The following ZNF346 variants were observed in gnomAD, a reference collection of about 807,000 sequenced individuals.
ZNF346 encodes double-stranded RNA-binding zinc finger protein JAZ.
In ZNF346, 23 loss-of-function variants were observed where a neutral mutation model predicts 33.7. That is an observed-to-expected ratio of 0.68 (90% confidence interval 0.49 to 0.97). The LOEUF is 0.97. Ranked by LOEUF, ZNF346 falls within the 50% of genes least tolerant of loss-of-function variation. ZNF346 has a pLI of 0.00. For synonymous variants in ZNF346, 134 were observed against 142.4 expected (o/e 0.94, Z 0.42); for missense variants, 340 against 371.1 (o/e 0.92, Z 0.69).
In ZNF346 at chr5:177,044,796, T is replaced by C. The variant is rs369293070; in HGVS notation, c.517+263T>C. The stretch of plus-strand genomic sequence containing the variant: ...CTGACTAATAATTATAACTCAGGAG[T>C]GCCAAAGTCCTCCAGGCCACGCATA... On this transcript the variant is annotated intron_variant, in intron 4 of 6. Transcript: ENST00000358149. Among the ~76,000 whole-genome samples the C allele has an allele frequency of 2.8e-4, 42 of 152,278 alleles. No homozygotes were observed. The South Asian group carries it at 8.1e-3, about 29-fold the overall frequency.
intron 8 of ZNF346, among the ~76,000 whole-genome samples, chr5:177,073,292 C>G (rs1389830715): frequency 3.9e-5 from 6 of 152,096 alleles, no homozygotes; most frequent in Admixed American, 3.9e-4. Flanking sequence ...TGGGATTTCA[C>G]AGGAAAGACA....
intron 1 of ZNF346, among the ~76,000 whole-genome samples, chr5:177,037,086 TGGTTTTGTC>T (rs1447564732): frequency 6.6e-6 from 1 of 152,200 alleles, no homozygotes; most frequent in Non-Finnish European, 1.5e-5. Flanking sequence ...CTGAAGTGGT[TGGTTTTGTC>T]AGTTTTGTCC....
chr5:177,026,234 A>T (rs1776745844), intron 1 of ZNF346, among the ~76,000 whole-genome samples: 1 of 151,526 alleles, frequency 6.6e-6, no homozygotes, highest in Non-Finnish European at 1.5e-5. Flanking sequence ...CAAACTCCTG[A>T]CCTCAAGTGA....
At chr5:177,058,452 C>T (rs1473477291) in intron 5 of ZNF346, among the ~76,000 whole-genome samples, 1 of 151,880 alleles carries the variant, frequency 6.6e-6, no homozygotes, top group Non-Finnish European at 1.5e-5. Context: ...GCCTGGGCAA[C>T]AAAAGCGAAA....
chr5:177,028,013 C>G (rs1021358824), intron 1 of ZNF346, among the ~76,000 whole-genome samples: 2 of 133,916 alleles, frequency 1.5e-5, no homozygotes, highest in East Asian at 2.2e-4. Flanking sequence ...TAAGTGTACA[C>G]AGAATATTTT....
chr5:177,039,851 C>G (rs1358810510), intron 1 of ZNF346, among the ~76,000 whole-genome samples: 1 of 152,110 alleles, frequency 6.6e-6, no homozygotes, highest in African/African-American at 2.4e-5. Flanking sequence ...TAGACTCTGC[C>G]TCTGCCTCTG....
chr5:177,044,598 G>A (rs1779793190), intron 4 of ZNF346, 65 bp downstream of exon 4: 2 of 1,549,690 alleles, frequency 1.3e-6, no homozygotes, highest in Admixed American at 1.8e-5. Flanking sequence ...TACTGCCAGG[G>A]GCTCACAGAG....
At position 177,022,756 on chromosome 5, in the gene ZNF346, G is replaced by A; in HGVS notation, c.18G>A (p.Pro6=). 6.4e-7 allele frequency: 1 copy of A among 1,555,930 alleles called. No individual in the cohort carries two copies. The highest frequency in any genetic ancestry group is 1.2e-5 in the South Asian group (1 of 84,800). Residue 6 remains proline, a synonymous_variant, in exon 1 of 7, where the codon CCG becomes CCA. Coordinates refer to ENST00000358149, the MANE Select transcript of ZNF346 (RefSeq NM_012279.4). The part of the protein sequence containing the change: MEYPA[P]ATVQAADGGA... Reference sequence around the variant, plus strand: ...CGGGGAAGATGGAGTATCCCGCGCCGGCCACGGTGCAGGCCGCGGACGGCG... The same window carrying A: ...CGGGGAAGATGGAGTATCCCGCGCCAGCCACGGTGCAGGCCGCGGACGGCG...
chr5:177,042,991 A>G (rs1779552040), intron 3 of ZNF346, among the ~76,000 whole-genome samples: 1 of 152,174 alleles, frequency 6.6e-6, no homozygotes, highest in Admixed American at 6.5e-5. Context: ...AGCTGGGACT[A>G]CAGGCACGCG....
At chr5:177,056,729 C>T (rs1206488199) in intron 5 of ZNF346, among the ~76,000 whole-genome samples, 1 of 144,430 alleles carries the variant, frequency 6.9e-6, no homozygotes, top group Non-Finnish European at 1.5e-5. Flanking sequence ...AACACTTGGA[C>T]ACAGGGTGGG....
intron 1 of ZNF346, among the ~76,000 whole-genome samples, chr5:177,032,625 G>A (rs1777891221): frequency 6.6e-6 from 1 of 152,062 alleles, no homozygotes; most frequent in South Asian, 2.1e-4. Flanking sequence ...TGGCCAGCCT[G>A]GTCTCAAACT....
intron 4 of ZNF346, among the ~76,000 whole-genome samples, chr5:177,045,260 A>G (rs1003671303): frequency 1.3e-5 from 2 of 152,162 alleles, no homozygotes; most frequent in Non-Finnish European, 2.9e-5. Flanking sequence ...ATTTTGGACC[A>G]AGAAGTAGAC....
intron 5 of ZNF346, among the ~76,000 whole-genome samples, chr5:177,058,256 C>T (rs899888928): frequency 6.6e-5 from 10 of 151,714 alleles, no homozygotes; most frequent in African/African-American, 2.4e-4. Flanking sequence ...AGGCGGATCA[C>T]CTGAGGTCAG....
chr5:177,040,696 G>A (rs892038571), intron 1 of ZNF346, among the ~76,000 whole-genome samples: 2 of 152,184 alleles, frequency 1.3e-5, no homozygotes, highest in African/African-American at 4.8e-5. Flanking sequence ...AATGAGAAAA[G>A]TATTCCTTTT....
At position 177,065,510 on chromosome 5, in the gene ZNF346, C is replaced by G. The variant is rs562604255; in HGVS notation, c.*911C>G. The G allele has an allele frequency of 6.6e-6, 1 of 152,656 alleles. No individual in the cohort carries two copies. The highest frequency in any genetic ancestry group is 2.4e-5 in the African/African-American group (1 of 41,440). 9.5% of individuals were successfully genotyped at this position (152,656 alleles called of 1,614,324 possible). A position where few individuals can be genotyped will look rare whatever the true frequency, so the allele number is the denominator to read the frequency against. On this transcript the variant is annotated 3_prime_UTR_variant, in exon 7 of 7. Transcript: ENST00000358149. ...CCTCTCTTCCCCCTTGTGCAGCGGA[C>G]CACTTGCCCAGTTTGCTGTGGTGCT...
chr5:177,040,761 A>G (rs1235889203), intron 1 of ZNF346, among the ~76,000 whole-genome samples: 1 of 152,208 alleles, frequency 6.6e-6, no homozygotes. Flanking sequence ...GTTGGGTGCT[A>G]CCATATCTTA....
downstream of ZNF346, among the ~76,000 whole-genome samples, chr5:177,071,794 G>GT (rs1306757327): frequency 6.6e-6 from 1 of 152,086 alleles, no homozygotes; most frequent in East Asian, 1.9e-4. Context: ...GCAGTCACTA[G>GT]TGTAAAATAC....
At chr5:177,069,435 G>A (rs534293075), downstream of ZNF346, among the ~76,000 whole-genome samples, 10 of 143,398 alleles carry the variant, frequency 7.0e-5, no homozygotes, top group East Asian at 1.0e-3. Flanking sequence ...CCTAGGTGAC[G>A]TAGTAAGACT....
At chr5:177,042,133 G>A (rs1005678068) in intron 3 of ZNF346, 1 of 340,266 alleles carries the variant, frequency 2.9e-6, no homozygotes, top group Non-Finnish European at 5.4e-6. Context: ...ACATAGTAGG[G>A]ACTCAGTAAT....
Sources: allele counts gnomAD v4.1 joint callset (sites outside exome capture counted in the v4.1 genomes callset), GRCh38; gene constraint gnomAD v4.1.1; transcripts MANE v1.5; gene names NCBI Gene and HGNC (gene_info 2026-07-23, HGNC 2026-07-21).